Variants in DOCK3 observed in about 807,000 individuals in gnomAD.
DOCK3 encodes dedicator of cytokinesis 3.
Under a neutral mutation model 265.6 loss-of-function variants are expected in DOCK3, and 60 were observed. The observed-to-expected ratio is 0.23, with a 90% confidence interval of 0.18 to 0.28. DOCK3 has a LOEUF of 0.28. DOCK3 is among the 10% of genes least tolerant of loss of function. The pLI is 1.00. For synonymous variants in DOCK3, 881 were observed against 938.0 expected (o/e 0.94, Z 1.11); for missense variants, 1,981 against 2,594.3 (o/e 0.76, Z 5.14).
chr3:51,124,451 A>G (rs2084171779), intron 9 of DOCK3, among the ~76,000 whole-genome samples: 1 of 152,076 alleles, frequency 6.6e-6, no homozygotes, highest in South Asian at 2.1e-4. Context: ...GCTAGTGGCT[A>G]CCTGTTGGTT....
At chr3:51,360,439 G>T in intron 46 of DOCK3, 72 bp from the exon 47 acceptor site, 1 of 1,530,202 alleles carries the variant, frequency 6.5e-7, no homozygotes, top group Non-Finnish European at 8.9e-7. Flanking sequence ...TCACCAGTCA[G>T]TTATTCCCTC....
At position 50,814,086 on chromosome 3, in the gene DOCK3, T is replaced by C. The variant is rs369558761; in HGVS notation, c.122-27589T>C. Among the ~76,000 whole-genome samples the C allele has an allele frequency of 3.0e-4, 46 of 152,230 alleles. 1 individual carries two copies. In the East Asian group the frequency reaches 6.6e-3, roughly 22 times the overall value. The stretch of plus-strand genomic sequence containing the variant: ...ACTAATATAATACTAGTATTTTCTT[T>C]TCCAAATACTTCATGATAGATTTTA... On this transcript the variant is annotated intron_variant, in intron 2 of 52. Transcript: ENST00000266037.
At chr3:50,914,846 C>G (rs546002427) in intron 4 of DOCK3, among the ~76,000 whole-genome samples, 6 of 152,094 alleles carry the variant, frequency 3.9e-5, no homozygotes, top group Non-Finnish European at 1.5e-5. Flanking sequence ...AATGGGGAGA[C>G]TTAACCAATG....
intron 49 of DOCK3, among the ~76,000 whole-genome samples, chr3:51,364,895 A>G (rs1248052803): frequency 2.0e-5 from 3 of 152,174 alleles, no homozygotes. Flanking sequence ...GCCTTGTAGT[A>G]TAGTTTGAAG....
At chr3:51,352,170 A>G (rs2086037610) in intron 40 of DOCK3, among the ~76,000 whole-genome samples, 1 of 152,224 alleles carries the variant, frequency 6.6e-6, no homozygotes, top group South Asian at 2.1e-4. Flanking sequence ...TTGACAAACT[A>G]ATGATTCTGG....
intron 2 of DOCK3, among the ~76,000 whole-genome samples, chr3:50,804,176 T>C (rs2043255215): frequency 8.0e-6 from 1 of 125,568 alleles, no homozygotes; most frequent in Non-Finnish European, 1.7e-5. Context: ...ACATCTCAGA[T>C]GATGGGCGGC....
intron 9 of DOCK3, among the ~76,000 whole-genome samples, chr3:51,096,264 G>C (rs1162416237): frequency 1.3e-5 from 2 of 152,106 alleles, no homozygotes; most frequent in Non-Finnish European, 2.9e-5. Flanking sequence ...GTCACTTTCA[G>C]GTACACCAAT....
chr3:51,337,075 C>G (rs1252065918), intron 35 of DOCK3, among the ~76,000 whole-genome samples: 1 of 152,150 alleles, frequency 6.6e-6, no homozygotes, highest in African/African-American at 2.4e-5. Context: ...TCAGGACCCT[C>G]ATGTCTGGCT....
At chr3:50,882,442 A>T (rs1372484341) in intron 3 of DOCK3, among the ~76,000 whole-genome samples, 3 of 152,216 alleles carry the variant, frequency 2.0e-5, no homozygotes, top group Non-Finnish European at 4.4e-5. Flanking sequence ...CAACCCCATC[A>T]AAAAGTGGGC....
At chr3:50,849,811 A>G (rs1023348466) in intron 3 of DOCK3, among the ~76,000 whole-genome samples, 1 of 152,180 alleles carries the variant, frequency 6.6e-6, no homozygotes, top group Non-Finnish European at 1.5e-5. Context: ...CAGCTAGGCA[A>G]GGTGACTCAT....
chr3:51,084,505 A>C (rs1357227703), intron 7 of DOCK3, among the ~76,000 whole-genome samples: 4 of 152,180 alleles, frequency 2.6e-5, no homozygotes, highest in African/African-American at 9.6e-5. Flanking sequence ...CAACAAAGCT[A>C]TCCTTAAATG....
intron 27 of DOCK3, among the ~76,000 whole-genome samples, chr3:51,293,529 G>A (rs1297996181): frequency 6.6e-6 from 1 of 152,016 alleles, no homozygotes; most frequent in African/African-American, 2.4e-5. Context: ...GAAAACATAG[G>A]GGAAAACCTA....
rs1003522941 is a variant in DOCK3, at chr3:51,374,262, T to C, written c.5294-207T>C. Among the ~76,000 whole-genome samples the C allele has an allele frequency of 1.1e-4, 17 of 152,228 alleles. No individual in the cohort carries two copies. The highest frequency in any genetic ancestry group is 4.1e-4 in the African/African-American group (17 of 41,456). ...ATCTGCATCTCACCAGCCTGCTGTA[T>C]GTCAGCCTTGGCTGGGACATGAGGT... On this transcript the variant is annotated intron_variant, in intron 49 of 52. Coordinates refer to ENST00000266037, the MANE Select transcript of DOCK3 (RefSeq NM_004947.5). This position sits in a 1 kb window ranked among gnomAD's most constrained non-coding sequence, Gnocchi z 4.8.
At chr3:51,021,661 C>CTTTTTTTTTT (rs61097732) in intron 5 of DOCK3, among the ~76,000 whole-genome samples, 6 of 142,818 alleles carry the variant, frequency 4.2e-5, no homozygotes, top group Non-Finnish European at 4.5e-5. Context: ...GGAGAACTTC[C>CTTTTTTTTTT]TTTTTTTTTT....
intron 9 of DOCK3, among the ~76,000 whole-genome samples, chr3:51,114,621 T>A (rs2083656211): frequency 1.3e-5 from 2 of 152,060 alleles, no homozygotes; most frequent in Admixed American, 1.3e-4. Context: ...ATGGACAGGG[T>A]TAGGGAAGGC....
At chr3:51,343,453 C>T (rs2085365002) in intron 38 of DOCK3, among the ~76,000 whole-genome samples, 1 of 152,204 alleles carries the variant, frequency 6.6e-6, no homozygotes, top group African/African-American at 2.4e-5. Flanking sequence ...TATCTCTTCC[C>T]TAGTTTGTAA....
Position 51,361,757 on chromosome 3 carries a change from G to T in DOCK3, c.5007-102G>T. 1 of 1,458,450 alleles carries T rather than the reference G, an allele frequency of 6.9e-7. No individual in the cohort carries two copies. The allele number at this position is 1,458,450 out of a possible 1,614,324, so 90.3% of individuals were successfully genotyped here. A position where few individuals can be genotyped will look rare whatever the true frequency, so the allele number is the denominator to read the frequency against. ...GACTATGGAACCCTCCAAACCGGTG[G>T]TAGCTGAAACCAGGGATGACTATTC... On this transcript the variant is annotated intron_variant, in intron 47 of 52. Transcript: ENST00000266037. The surrounding 1 kb of genome is among the most constrained non-coding windows in gnomAD (Gnocchi z 4.2).
intron 46 of DOCK3, among the ~76,000 whole-genome samples, chr3:51,358,659 G>A (rs1261717021): frequency 6.6e-6 from 1 of 152,158 alleles, no homozygotes; most frequent in Non-Finnish European, 1.5e-5. Context: ...AGCCTAGGAT[G>A]AGCAGTACTT....
chr3:51,214,683 G>A (rs1442935537), intron 14 of DOCK3, among the ~76,000 whole-genome samples: 2 of 152,180 alleles, frequency 1.3e-5, no homozygotes, highest in African/African-American at 4.8e-5. Flanking sequence ...TGTAGGAATA[G>A]CAGATACATT....
Sources: gnomAD v4.1 joint callset for allele counts (sites outside exome capture counted in the v4.1 genomes callset) on GRCh38, gnomAD v4.1.1 for gene constraint, Gnocchi (gnomAD v3.1) non-coding constraint, MANE v1.5 for transcripts, NCBI Gene and HGNC (gene_info 2026-07-23, HGNC 2026-07-21) for gene names.